The following PRPF18 variants were observed in gnomAD, a reference collection of about 807,000 sequenced individuals.
The protein encoded by PRPF18 is pre-mRNA-splicing factor 18.
In PRPF18, 38 loss-of-function variants were observed where a neutral mutation model predicts 46.5. The observed-to-expected ratio is 0.82, with a 90% CI of 0.63 to 1.07. The LOEUF (loss-of-function observed/expected upper bound fraction) is 1.07, where lower values mean the gene tolerates loss of function less well. Among genes scored for constraint, PRPF18 ranks in the 50% least tolerant of loss-of-function variants. The pLI is 0.00. For synonymous variants in PRPF18, 152 were observed against 146.7 expected (o/e 1.04, Z -0.26); for missense variants, 263 against 410.0 (o/e 0.64, Z 3.10).
At chr10:13,651,977 G>A in the PRPF18 span, 3 of 1,548,974 alleles carry the variant, frequency 1.9e-6, no homozygotes, top group South Asian at 1.1e-5. Flanking sequence ...TTGCTTCTCT[G>A]AACAAAGGAA....
At chr10:13,621,336 C>T (rs1407174649) in intron 9 of PRPF18, among the ~76,000 whole-genome samples, 1 of 152,170 alleles carries the variant, frequency 6.6e-6, no homozygotes, top group Non-Finnish European at 1.5e-5. Flanking sequence ...GACTGGAAGG[C>T]ATTTTGTAGG....
At chr10:13,646,580 C>A in the PRPF18 span, 1 of 152,364 alleles carries the variant, frequency 6.6e-6, no homozygotes, top group Non-Finnish European at 1.5e-5. Context: ...CTCAAGTCCC[C>A]TTTCCCGTTC....
At chr10:13,636,754 A>G in the PRPF18 span, among the ~76,000 whole-genome samples, 2 of 152,192 alleles carry the variant, frequency 1.3e-5, no homozygotes, top group African/African-American at 4.8e-5. Flanking sequence ...TCTTCTAGTC[A>G]TAGCCATGGT....
At chr10:13,638,494 C>T in the PRPF18 span, among the ~76,000 whole-genome samples, 2 of 151,908 alleles carry the variant, frequency 1.3e-5, no homozygotes, top group African/African-American at 4.8e-5. Flanking sequence ...GATCTGTACC[C>T]CGCAAGCTGG....
chr10:13,636,697 TCAGA>T, the PRPF18 span, among the ~76,000 whole-genome samples: 4 of 152,262 alleles, frequency 2.6e-5, no homozygotes, highest in East Asian at 7.7e-4. Flanking sequence ...AGCGCCCCAA[TCAGA>T]AAAGGTAATT....
chr10:13,609,179 C>A (rs1288667556), intron 4 of PRPF18, among the ~76,000 whole-genome samples: 1 of 152,208 alleles, frequency 6.6e-6, no homozygotes, highest in East Asian at 1.9e-4. Context: ...AGCTCATCGT[C>A]CATTTCTTAG....
chr10:13,646,942 G>A, the PRPF18 span: 1 of 970,612 alleles, frequency 1.0e-6, no homozygotes. Context: ...CTCACACGAG[G>A]GTCCCGGGCT....
chr10:13,600,467 T>C (rs1419612890), intron 3 of PRPF18, 119 bp downstream of exon 3: 1 of 683,484 alleles, frequency 1.5e-6, no homozygotes, highest in Non-Finnish European at 2.2e-6. Flanking sequence ...TATCTAAAAA[T>C]GCTGTGCAGC....
intron 1 of PRPF18, among the ~76,000 whole-genome samples, chr10:13,588,406 C>CAAA (rs79679505): frequency 4.3e-4 from 55 of 128,314 alleles, no homozygotes; most frequent in African/African-American, 1.5e-3. Context: ...GACACCGTCT[C>CAAA]AAAAAAAAAA....
the PRPF18 span, chr10:13,651,689 T>TG: frequency 1.8e-6 from 1 of 568,858 alleles, no homozygotes; most frequent in Non-Finnish European, 3.1e-6. Flanking sequence ...AAACATACTC[T>TG]GGGGGTCTTT....
At chr10:13,604,599 C>A (rs2080159246) in intron 3 of PRPF18, among the ~76,000 whole-genome samples, 1 of 152,132 alleles carries the variant, frequency 6.6e-6, no homozygotes, top group Non-Finnish European at 1.5e-5. Flanking sequence ...TATCAGCTGG[C>A]TTCAGATTTG....
chr10:13,650,443 T>G, the PRPF18 span, among the ~76,000 whole-genome samples: 1 of 152,202 alleles, frequency 6.6e-6, no homozygotes, highest in Non-Finnish European at 1.5e-5. Context: ...CGTGTATGTA[T>G]GTAGGTATTT....
intron 3 of PRPF18, among the ~76,000 whole-genome samples, chr10:13,603,140 A>T (rs1286408942): frequency 6.6e-6 from 1 of 152,220 alleles, no homozygotes; most frequent in Admixed American, 6.5e-5. Flanking sequence ...ATTGTTACTG[A>T]TTAATAGTGG....
the PRPF18 span, among the ~76,000 whole-genome samples, chr10:13,650,564 G>A: frequency 3.3e-5 from 5 of 152,224 alleles, no homozygotes; most frequent in South Asian, 2.1e-4. Context: ...CCCATACCGG[G>A]GGAGAAAAAG....
intron 1 of PRPF18, 99 bp downstream of exon 1, chr10:13,587,251 G>A: frequency 3.0e-6 from 4 of 1,312,798 alleles, no homozygotes; most frequent in Non-Finnish European, 4.4e-6. Flanking sequence ...ATTCGGGGCG[G>A]GGACGGGGCT....
At chr10:13,591,690 A>T (rs1415140535) in intron 1 of PRPF18, 2 of 676,230 alleles carry the variant, frequency 3.0e-6, no homozygotes, top group Non-Finnish European at 5.2e-6. Flanking sequence ...CATCAGTGGG[A>T]TGTTTTGGGA....
the PRPF18 span, chr10:13,655,262 C>A: frequency 6.6e-6 from 1 of 152,196 alleles, no homozygotes; most frequent in Non-Finnish European, 1.5e-5. Context: ...TCCAAAAGAT[C>A]TACCTCATCT....
At chr10:13,604,139 C>T (rs1413473446) in intron 3 of PRPF18, among the ~76,000 whole-genome samples, 7 of 152,164 alleles carry the variant, frequency 4.6e-5, no homozygotes, top group African/African-American at 1.4e-4. Context: ...TTTGTGAGGT[C>T]ATTTCTGCAT....
chr10:13,591,050 G>C (rs117289110), intron 1 of PRPF18, among the ~76,000 whole-genome samples: 24 of 152,172 alleles, frequency 1.6e-4, no homozygotes, highest in Non-Finnish European at 3.2e-4. Context: ...TGAAATTGAG[G>C]CTTAGAGGGT....
Sources: allele counts gnomAD v4.1 joint callset (sites outside exome capture counted in the v4.1 genomes callset), GRCh38; gene constraint gnomAD v4.1.1; transcripts MANE v1.5; gene names NCBI Gene and HGNC (gene_info 2026-07-23, HGNC 2026-07-21).